Variants in CSMD1 observed in about 807,000 individuals in gnomAD.
The protein encoded by CSMD1 is CUB and sushi domain-containing protein 1.
In CSMD1, 213 loss-of-function variants were observed where a neutral mutation model predicts 417.5. The ratio of observed to expected loss-of-function variants is 0.51; its 90% CI spans 0.46 to 0.57. The LOEUF is 0.57. Among genes scored for constraint, CSMD1 ranks in the 20% least tolerant of loss-of-function variants. The pLI, the probability that CSMD1 is intolerant of heterozygous loss-of-function variation, is 0.00. For synonymous variants in CSMD1, 2,862 were observed against 1,736.8 expected, an observed-to-expected ratio of 1.65 and a Z score of -16.11; for missense variants, 6,923 against 4,529.7, an observed-to-expected ratio of 1.53 and a Z score of -15.17.
chr8:4,693,724 G>A (rs1183047840), intron 1 of CSMD1, among the ~76,000 whole-genome samples: 3 of 50,902 alleles, frequency 5.9e-5, no homozygotes, highest in South Asian at 6.5e-4. Flanking sequence ...GGAGTACACT[G>A]ACTATTCATA....
At chr8:4,600,804 T>C (rs1426243260) in intron 2 of CSMD1, among the ~76,000 whole-genome samples, 1 of 152,146 alleles carries the variant, frequency 6.6e-6, no homozygotes, top group Non-Finnish European at 1.5e-5. Context: ...AAGAAATCAA[T>C]CTCTCAATCT....
chr8:3,896,655 G>A (rs1024016773), intron 5 of CSMD1, among the ~76,000 whole-genome samples: 1 of 152,070 alleles, frequency 6.6e-6, no homozygotes, highest in Non-Finnish European at 1.5e-5. Context: ...GGGACTACAG[G>A]CGCCCGCCAC....
chr8:4,362,147 A>T (rs978256902), intron 3 of CSMD1, among the ~76,000 whole-genome samples: 1 of 152,202 alleles, frequency 6.6e-6, no homozygotes, highest in Non-Finnish European at 1.5e-5. Context: ...ATTATGACAG[A>T]GGGTAATTCA....
At chr8:3,052,211 G>A (rs1398543881) in intron 50 of CSMD1, among the ~76,000 whole-genome samples, 2 of 152,166 alleles carry the variant, frequency 1.3e-5, no homozygotes, top group Non-Finnish European at 2.9e-5. Context: ...AGGATGTGAT[G>A]TGCAAATTAC....
intron 10 of CSMD1, among the ~76,000 whole-genome samples, chr8:3,531,251 C>A (rs1410256810): frequency 6.6e-6 from 1 of 152,182 alleles, no homozygotes; most frequent in East Asian, 1.9e-4. Flanking sequence ...CCCATTTCCT[C>A]TGGCTTTTAT....
At position 3,933,468 on chromosome 8, in the gene CSMD1, C is replaced by T. The variant is rs528699423; in HGVS notation, c.818+64435G>A. Among the ~76,000 whole-genome samples, 12 of 152,244 alleles carry T rather than the reference C, an allele frequency of 7.9e-5. No homozygotes were observed. In the South Asian group the frequency reaches 1.9e-3, roughly 24 times the overall value. On this transcript the variant is annotated intron_variant, in intron 5 of 69. Transcript: ENST00000635120. ...TTTCCCGCCTACATCTTCACTCCCACCCACTCAACCCCTTTCAGCCATGGT... is the reference window on the plus strand; with the variant it reads ...TTTCCCGCCTACATCTTCACTCCCATCCACTCAACCCCTTTCAGCCATGGT...
chr8:3,678,405 G>C (rs967497198), intron 7 of CSMD1, among the ~76,000 whole-genome samples: 1 of 152,176 alleles, frequency 6.6e-6, no homozygotes, highest in Non-Finnish European at 1.5e-5. Flanking sequence ...AGTTTGAACA[G>C]CCGATTCGAT....
intron 1 of CSMD1, among the ~76,000 whole-genome samples, chr8:4,956,041 A>T (rs751073202): frequency 6.6e-6 from 1 of 152,144 alleles, no homozygotes; most frequent in Non-Finnish European, 1.5e-5. Flanking sequence ...GTGCTCAAAG[A>T]CCACTTGCTC....
At chr8:3,212,846 T>TTTTGA (rs1797693211) in intron 30 of CSMD1, among the ~76,000 whole-genome samples, 1 of 150,412 alleles carries the variant, frequency 6.6e-6, no homozygotes, top group South Asian at 2.1e-4. Flanking sequence ...TTTTTTTTTT[T>TTTTGA]GAGAGAGAGT....
At chr8:3,354,714 T>G (rs889084401) in intron 21 of CSMD1, among the ~76,000 whole-genome samples, 2 of 151,720 alleles carry the variant, frequency 1.3e-5, no homozygotes, top group African/African-American at 4.8e-5. Flanking sequence ...CATTTTAGCT[T>G]AGAACGTTGT....
chr8:4,645,806 G>T (rs556884384), intron 1 of CSMD1, among the ~76,000 whole-genome samples: 1 of 152,092 alleles, frequency 6.6e-6, no homozygotes, highest in Non-Finnish European at 1.5e-5. Flanking sequence ...TTGTCCTTTA[G>T]ATTCCGGGAC....
At chr8:3,729,888 C>G (rs928774148) in intron 6 of CSMD1, among the ~76,000 whole-genome samples, 2 of 125,592 alleles carry the variant, frequency 1.6e-5, no homozygotes, top group South Asian at 2.6e-4. Context: ...CTGTACTCCC[C>G]AAATCTACAG....
chr8:3,570,579 T>G (rs549120599), intron 10 of CSMD1, among the ~76,000 whole-genome samples: 1 of 152,210 alleles, frequency 6.6e-6, no homozygotes, highest in East Asian at 1.9e-4. Flanking sequence ...AGGAAAAATG[T>G]CAAACACCTG....
intron 41 of CSMD1, among the ~76,000 whole-genome samples, chr8:3,119,897 G>A (rs1163700683): frequency 2.6e-5 from 4 of 152,176 alleles, no homozygotes; most frequent in East Asian, 1.9e-4. Context: ...TGAGGTCACC[G>A]GTCACTGTCC....
chr8:3,426,351 C>T (rs780274461), intron 12 of CSMD1, among the ~76,000 whole-genome samples: 1 of 152,196 alleles, frequency 6.6e-6, no homozygotes, highest in Non-Finnish European at 1.5e-5. Context: ...AGACAGTGAT[C>T]ATGAGACTCA....
chr8:3,238,116 G>T (rs965278826), intron 26 of CSMD1, among the ~76,000 whole-genome samples: 3 of 152,004 alleles, frequency 2.0e-5, no homozygotes, highest in African/African-American at 7.2e-5. Flanking sequence ...TACGGGTGGG[G>T]CCGTTTTATA....
chr8:4,021,246 C>A (rs551156603), intron 4 of CSMD1, among the ~76,000 whole-genome samples: 13 of 152,320 alleles, frequency 8.5e-5, no homozygotes, highest in African/African-American at 3.1e-4. Context: ...AATCAAAATA[C>A]TTCACTTACA....
At chr8:3,315,437 A>AGTGTGTGTGTGT (rs35460301) in intron 23 of CSMD1, among the ~76,000 whole-genome samples, 134 of 124,160 alleles carry the variant, frequency 1.1e-3, no homozygotes, top group Middle Eastern at 3.9e-3. Context: ...AGGTGAAGTG[A>AGTGTGTGTGTGT]GTGTGTGTGT....
At chr8:4,657,920 G>A (rs1474649270) in intron 1 of CSMD1, among the ~76,000 whole-genome samples, 1 of 151,936 alleles carries the variant, frequency 6.6e-6, no homozygotes, top group Non-Finnish European at 1.5e-5. Context: ...AAATACTGAA[G>A]ATAAAAAGTA....
Sources: allele counts gnomAD v4.1 joint callset (sites outside exome capture counted in the v4.1 genomes callset), GRCh38; gene constraint gnomAD v4.1.1; transcripts MANE v1.5; gene names NCBI Gene and HGNC (gene_info 2026-07-23, HGNC 2026-07-21).